Variants in BTBD9 observed in about 807,000 individuals in gnomAD.
The protein encoded by BTBD9 is BTB/POZ domain-containing protein 9.
A neutral mutation model predicts 64.3 loss-of-function variants in BTBD9; 49 were observed. The ratio of observed to expected loss-of-function variants is 0.76; its 90% CI spans 0.61 to 0.97. The LOEUF (loss-of-function observed/expected upper bound fraction) is 0.97. Ranked by LOEUF, BTBD9 falls within the 50% of genes least tolerant of loss-of-function variation. The pLI is 0.00. For missense variants in BTBD9, 598 were observed against 762.1 expected (o/e 0.78, Z 2.53); for synonymous variants, 260 against 274.7 (o/e 0.95, Z 0.53).
intron 6 of BTBD9, among the ~76,000 whole-genome samples, chr6:38,418,119 G>A (rs1232285538): frequency 6.6e-6 from 1 of 152,090 alleles, no homozygotes; most frequent in African/African-American, 2.4e-5. Flanking sequence ...AGATTTAACC[G>A]CATTGGAAAT....
chr6:38,469,299 C>A (rs988929850), intron 6 of BTBD9, among the ~76,000 whole-genome samples: 1 of 150,944 alleles, frequency 6.6e-6, no homozygotes, highest in Non-Finnish European at 1.5e-5. Flanking sequence ...ATTTAAGGAA[C>A]CCACTCTCTC....
intron 1 of BTBD9, among the ~76,000 whole-genome samples, chr6:38,611,615 G>A (rs1777620001): frequency 6.6e-6 from 1 of 151,976 alleles, no homozygotes; most frequent in African/African-American, 2.4e-5. Flanking sequence ...CTTTCTTCCC[G>A]GTGTCCCATA....
chr6:38,306,945 T>C (rs1435745333), intron 7 of BTBD9, among the ~76,000 whole-genome samples: 1 of 152,268 alleles, frequency 6.6e-6, no homozygotes, highest in African/African-American at 2.4e-5. Flanking sequence ...CAGTGGTTCA[T>C]GCAGCAAGCA....
chr6:38,275,631 T>G (rs1487494118), intron 8 of BTBD9, among the ~76,000 whole-genome samples: 11 of 151,646 alleles, frequency 7.3e-5, no homozygotes, highest in Non-Finnish European at 1.6e-4. Flanking sequence ...GAATCTACAA[T>G]GAACTCAAAC....
At chr6:38,366,704 T>A (rs1765196559) in intron 6 of BTBD9, among the ~76,000 whole-genome samples, 1 of 152,024 alleles carries the variant, frequency 6.6e-6, no homozygotes, top group South Asian at 2.1e-4. Flanking sequence ...ATGAAGGAAG[T>A]GGAAAAGAAT....
chr6:38,401,456 C>T (rs905828478), intron 6 of BTBD9, among the ~76,000 whole-genome samples: 1 of 152,128 alleles, frequency 6.6e-6, no homozygotes, highest in African/African-American at 2.4e-5. Context: ...ATGTATACAC[C>T]TTTTGTTTAC....
chr6:38,323,318 C>A (rs1032159793), intron 7 of BTBD9, among the ~76,000 whole-genome samples: 2 of 152,246 alleles, frequency 1.3e-5, no homozygotes, highest in East Asian at 3.9e-4. Flanking sequence ...TCGGGCAATC[C>A]CCTTGTCTTT....
intron 6 of BTBD9, among the ~76,000 whole-genome samples, chr6:38,423,893 G>A (rs149438127): frequency 2.7e-5 from 4 of 150,888 alleles, no homozygotes; most frequent in East Asian, 1.9e-4. Context: ...AGTAGTTCAC[G>A]ACAGGGCCCG....
At chr6:38,624,666 A>C (rs1778111332) in intron 1 of BTBD9, among the ~76,000 whole-genome samples, 1 of 150,864 alleles carries the variant, frequency 6.6e-6, no homozygotes, top group Non-Finnish European at 1.5e-5. Flanking sequence ...GGTACACAAA[A>C]TCCTACCCCC....
At chr6:38,560,961 A>G (rs995710108) in intron 6 of BTBD9, among the ~76,000 whole-genome samples, 2 of 152,140 alleles carry the variant, frequency 1.3e-5, no homozygotes, top group African/African-American at 4.8e-5. Context: ...TATGTACCAC[A>G]TTTTCTTTAT....
intron 6 of BTBD9, among the ~76,000 whole-genome samples, chr6:38,349,797 G>A (rs1764427853): frequency 6.6e-6 from 1 of 151,926 alleles, no homozygotes; most frequent in African/African-American, 2.4e-5. Context: ...ACACAGGGAG[G>A]GGCTTGTCCT....
chr6:38,504,648 C>T, intron 6 of BTBD9: 1 of 453,474 alleles, frequency 2.2e-6, no homozygotes, highest in South Asian at 1.6e-5. Flanking sequence ...ACCTATCTTT[C>T]AACCCAGGAA....
chr6:38,592,852 A>T lies in BTBD9; in HGVS notation c.550-12T>A, dbSNP rs2127491797. ...TTTAAAAGTGCTGTCTGAAAAGGAT[A>T]AAAAGGTAAAATTCCAGTTATATGA... On this transcript the variant is annotated splice_polypyrimidine_tract_variant and intron_variant, in intron 3 of 10. Coordinates refer to ENST00000481247, the MANE Select transcript of BTBD9 (RefSeq NM_001099272.2). The T allele has an allele frequency of 6.2e-7, 1 of 1,612,232 alleles. No individual in the cohort carries two copies. The highest frequency in any genetic ancestry group is 2.2e-5 in the East Asian group (1 of 44,854).
In BTBD9 at chr6:38,577,699, T is replaced by A. The variant is rs774447245; in HGVS notation, c.1055A>T (p.Glu352Val). Residue 352 changes from glutamate (E) to valine (V), a missense_variant, in exon 6 of 11, where the codon GAA (glutamate) becomes GTA (valine). Coordinates refer to ENST00000481247, the MANE Select transcript of BTBD9 (RefSeq NM_001099272.2). ...CCAATCAAGTTCATCCATTGACACT[T>A]CAATGAAGTATGAGTAAGACCTGTG... ...RDSRSYSYFI[E>V]VSMDELDWVR... 87 of 1,609,014 alleles carry A rather than the reference T, an allele frequency of 5.4e-5. 1 individual carries two copies. Among genetic ancestry groups the A allele is most frequent in the Admixed American group, 1.7e-5 (1 of 59,620 alleles).
intron 6 of BTBD9, among the ~76,000 whole-genome samples, chr6:38,396,958 G>A (rs1395353781): frequency 7.2e-6 from 1 of 138,174 alleles, no homozygotes; most frequent in African/African-American, 2.7e-5. Flanking sequence ...CTGGAGTGTA[G>A]TGGCGCAATC....
chr6:38,473,024 T>A (rs755249353), intron 6 of BTBD9, among the ~76,000 whole-genome samples: 14 of 152,148 alleles, frequency 9.2e-5, no homozygotes, highest in Non-Finnish European at 1.9e-4. Flanking sequence ...AATTTAGATA[T>A]TTTTCCAAAA....
chr6:38,420,582 G>A (rs943485763), intron 6 of BTBD9, among the ~76,000 whole-genome samples: 1 of 152,112 alleles, frequency 6.6e-6, no homozygotes, highest in African/African-American at 2.4e-5. Flanking sequence ...CCTAGGCCGG[G>A]CACAGTGGCT....
At chr6:38,309,271 G>A (rs1420510813) in intron 7 of BTBD9, among the ~76,000 whole-genome samples, 1 of 151,286 alleles carries the variant, frequency 6.6e-6, no homozygotes, top group Non-Finnish European at 1.5e-5. Flanking sequence ...TTGGAAGGCT[G>A]AGGCAGGAGA....
chr6:38,315,302 C>T (rs1442009899), intron 7 of BTBD9, among the ~76,000 whole-genome samples: 1 of 152,050 alleles, frequency 6.6e-6, no homozygotes, highest in Non-Finnish European at 1.5e-5. Context: ...GATCTTTATT[C>T]TCTCTTTTCT....
Sources: gnomAD v4.1 joint callset for allele counts (sites outside exome capture counted in the v4.1 genomes callset) on GRCh38, gnomAD v4.1.1 for gene constraint, MANE v1.5 for transcripts, NCBI Gene and HGNC (gene_info 2026-07-23, HGNC 2026-07-21) for gene names.